Variants in MTHFD1L observed in about 807,000 individuals in gnomAD.
MTHFD1L encodes the protein monofunctional C1-tetrahydrofolate synthase, mitochondrial.
A neutral mutation model predicts 119.5 loss-of-function variants in MTHFD1L; 81 were observed. The ratio of observed to expected loss-of-function variants is 0.68; its 90% CI spans 0.57 to 0.82. The LOEUF is 0.82. Ranked by LOEUF, MTHFD1L falls within the 40% of genes least tolerant of loss-of-function variation. The pLI, the probability that MTHFD1L is intolerant of heterozygous loss-of-function variation, is 0.00. For missense variants in MTHFD1L, 1,125 were observed against 1,253.4 expected (o/e 0.90, Z 1.55); for synonymous variants, 430 against 475.2 (o/e 0.90, Z 1.24).
At chr6:151,009,122 CAAA>C (rs59189384) in intron 20 of MTHFD1L, among the ~76,000 whole-genome samples, 36,870 of 96,382 alleles carry the variant, frequency 0.38, 4,920 homozygotes, top group East Asian at 0.54. Flanking sequence ...AACTCCATCT[CAAA>C]AAAAAAAAAA....
intron 15 of MTHFD1L, among the ~76,000 whole-genome samples, chr6:150,947,990 TTTTTTTGTTTG>T (rs1794261217): frequency 6.6e-6 from 1 of 151,932 alleles, no homozygotes; most frequent in Non-Finnish European, 1.5e-5. Context: ...TAGTTTAGTT[TTTTTTTGTTTG>T]TTTTTTGTTT....
intron 1 of MTHFD1L, among the ~76,000 whole-genome samples, chr6:150,870,427 C>T (rs1478818643): frequency 6.6e-6 from 1 of 152,046 alleles, no homozygotes; most frequent in Non-Finnish European, 1.5e-5. Flanking sequence ...GTGGTAGTAG[C>T]GTTGAACTCC....
intron 7 of MTHFD1L, among the ~76,000 whole-genome samples, chr6:150,905,071 G>A (rs117545996): frequency 0.013 from 1,650 of 127,326 alleles, 15 homozygotes; most frequent in Non-Finnish European, 0.017. Context: ...ACAGGGTCTC[G>A]CTCTGTTGTT....
At position 150,877,682 on chromosome 6, in the gene MTHFD1L, G is replaced by A. The variant is rs1200366401; in HGVS notation, c.361G>A (p.Glu121Lys). The A allele has an allele frequency of 6.2e-7, 1 of 1,614,192 alleles. No individual in the cohort carries two copies. Among genetic ancestry groups the A allele is most frequent in the South Asian group, 1.1e-5 (1 of 91,088 alleles). Residue 121 changes from glutamate (E) to lysine (K), a missense_variant and splice_region_variant, in exon 3 of 28, where the codon GAG becomes AAG. Transcript: ENST00000367321. ...GGAAATCAACCAGAATTTGGCTGAGGAGGTGAGGACTGCTGCTTTTAAAAA... is the reference window on the plus strand; with the variant it reads ...GGAAATCAACCAGAATTTGGCTGAGAAGGTGAGGACTGCTGCTTTTAAAAA... ...MQEINQNLAE[E>K]AGLNITHICL... is the part of the protein sequence containing the mutation.
At chr6:151,049,445 T>C (rs7744860) in intron 26 of MTHFD1L, among the ~76,000 whole-genome samples, 116,973 of 148,312 alleles carry the variant, frequency 0.79, 46,139 homozygotes, top group East Asian at 0.92. Flanking sequence ...TGAGCGGAGA[T>C]CGCGCCACTG....
At chr6:150,928,698 C>T (rs557321406) in intron 11 of MTHFD1L, among the ~76,000 whole-genome samples, 69 of 151,886 alleles carry the variant, frequency 4.5e-4, no homozygotes, top group Non-Finnish European at 8.2e-4. Flanking sequence ...TGCACCCCCA[C>T]GCCTGGCTAA....
At chr6:151,100,952 A>G (rs921408408) in intron 27 of MTHFD1L, among the ~76,000 whole-genome samples, 4 of 152,102 alleles carry the variant, frequency 2.6e-5, no homozygotes, top group African/African-American at 7.2e-5. Context: ...TGAGCCCAGG[A>G]GTTCAAGACC....
intron 20 of MTHFD1L, among the ~76,000 whole-genome samples, chr6:151,004,779 ATAAGAGTATTAGT>A (rs1228317583): frequency 6.6e-6 from 1 of 152,276 alleles, no homozygotes; most frequent in Non-Finnish European, 1.5e-5. Context: ...TGCTTGCACA[ATAAGAGTATTAGT>A]CAGCGTTTCC....
At chr6:150,921,818 G>A (rs113443621) in intron 9 of MTHFD1L, among the ~76,000 whole-genome samples, 22 of 152,274 alleles carry the variant, frequency 1.4e-4, no homozygotes, top group African/African-American at 5.3e-4. Flanking sequence ...AATAACCCTG[G>A]ATGTACATTT....
chr6:151,033,780 C>T (rs893804621), intron 24 of MTHFD1L, among the ~76,000 whole-genome samples: 1 of 152,142 alleles, frequency 6.6e-6, no homozygotes, highest in Non-Finnish European at 1.5e-5. Context: ...TGAAAAAATA[C>T]TTGTTTTTAA....
At chr6:151,085,175 T>G (rs1793677319) in intron 26 of MTHFD1L, among the ~76,000 whole-genome samples, 1 of 151,754 alleles carries the variant, frequency 6.6e-6, no homozygotes, top group South Asian at 2.1e-4. Context: ...GAGGACTTTT[T>G]TCTTCTATGT....
rs112663874 is a variant in MTHFD1L at position 151,039,917 on chromosome 6, A to AATACATAC, written c.2847+2823_2847+2830dup. Among the ~76,000 whole-genome samples the AATACATAC allele has an allele frequency of 0.12, 17,721 of 148,460 alleles. 1,648 individuals carry two copies. Among genetic ancestry groups the AATACATAC allele is most frequent in the East Asian group, 0.55 (2,670 of 4,896 alleles). On this transcript the variant is annotated intron_variant, in intron 26 of 27. Transcript: ENST00000367321. The surrounding 1 kb of genome is among the most constrained non-coding windows in gnomAD (Gnocchi z 4.4). Reference sequence around the variant, plus strand: ...GTGACAGAGCAAGACTTCATCTCTAAATACATACATACATACATACATACA... The same window carrying AATACATAC: ...GTGACAGAGCAAGACTTCATCTCTAAATACATACATACATACATACATACATACATACA...
intron 26 of MTHFD1L, among the ~76,000 whole-genome samples, chr6:151,080,682 G>A (rs974222774): frequency 6.6e-6 from 1 of 152,220 alleles, no homozygotes. Context: ...TTCAACAACA[G>A]AAGTTTATTT....
chr6:151,017,206 C>A (rs1196980603), intron 24 of MTHFD1L, among the ~76,000 whole-genome samples: 2 of 152,164 alleles, frequency 1.3e-5, no homozygotes, highest in African/African-American at 4.8e-5. Flanking sequence ...ATGCCCCTCC[C>A]TACAGTCCCT....
At chr6:150,944,646 G>T (rs531727762) in intron 14 of MTHFD1L, 53 bp downstream of exon 14, 3 of 1,315,298 alleles carry the variant, frequency 2.3e-6, no homozygotes, top group Non-Finnish European at 3.3e-6. Context: ...GGAATTCCTG[G>T]ATTCTTAAGG....
At chr6:150,923,600 C>T (rs1290739510) in intron 10 of MTHFD1L, among the ~76,000 whole-genome samples, 1 of 134,676 alleles carries the variant, frequency 7.4e-6, no homozygotes, top group Non-Finnish European at 1.5e-5. Context: ...AACTCTTGAC[C>T]TCAGGTGTTC....
chr6:150,871,655 C>G (rs1464470227), intron 1 of MTHFD1L, among the ~76,000 whole-genome samples: 6 of 151,034 alleles, frequency 4.0e-5, no homozygotes, highest in Non-Finnish European at 8.8e-5. Flanking sequence ...GCGCCTGCCA[C>G]CACGCCTGGC....
At position 150,868,056 on chromosome 6, in the gene MTHFD1L, T is replaced by C. The variant is rs1778733630; in HGVS notation, c.227+2007T>C. On this transcript the variant is annotated intron_variant, in intron 1 of 27. Coordinates refer to ENST00000367321, the MANE Select transcript of MTHFD1L (RefSeq NM_015440.5). Reference sequence around the variant, plus strand: ...CTCAGGTGATCCGACTGCCTTGGCCTCCCAAAGTGTTGGGATTACAGGCGT... The same window carrying C: ...CTCAGGTGATCCGACTGCCTTGGCCCCCCAAAGTGTTGGGATTACAGGCGT... Among the ~76,000 whole-genome samples, 3 of 152,066 alleles carry C rather than the reference T, an allele frequency of 2.0e-5. No homozygotes were observed. The South Asian group carries it at 6.2e-4, about 31-fold the overall frequency.
At chr6:150,949,570 C>A (rs958357888) in intron 16 of MTHFD1L, among the ~76,000 whole-genome samples, 4 of 152,132 alleles carry the variant, frequency 2.6e-5, no homozygotes, top group African/African-American at 9.7e-5. Flanking sequence ...TGTGTGTTTC[C>A]AGTGCTGGAT....
Sources: allele counts gnomAD v4.1 joint callset (sites outside exome capture counted in the v4.1 genomes callset), GRCh38; gene constraint gnomAD v4.1.1; non-coding constraint Gnocchi (gnomAD v3.1); transcripts MANE v1.5; gene names NCBI Gene and HGNC (gene_info 2026-07-23, HGNC 2026-07-21).